KIAA1217: variants seen among roughly 807,000 people sequenced by gnomAD.
KIAA1217 encodes KIAA1217, also known as sickle tail protein homolog.
KIAA1217 carries 88 observed loss-of-function variants against 163.9 expected under a neutral mutation model. That is an observed-to-expected ratio of 0.54 (90% CI 0.45 to 0.64). The LOEUF is 0.64. Ranked by LOEUF, KIAA1217 falls within the 30% of genes least tolerant of loss-of-function variation. The pLI, the probability that KIAA1217 is intolerant of heterozygous loss-of-function variation, is 0.00. For synonymous variants in KIAA1217, 903 were observed against 923.1 expected, an observed-to-expected ratio of 0.98 and a Z score of 0.39; for missense variants, 2,372 against 2,475.0, an observed-to-expected ratio of 0.96 and a Z score of 0.88.
At chr10:23,897,329 G>C (rs79552625) in intron 1 of KIAA1217, among the ~76,000 whole-genome samples, 2,706 of 152,150 alleles carry the variant, frequency 0.018, 42 homozygotes, top group Admixed American at 0.049. Context: ...AACCCAAGTT[G>C]TCTGGCATCA....
chr10:23,763,438 G>C (rs1295102998), intron 1 of KIAA1217, among the ~76,000 whole-genome samples: 4 of 152,124 alleles, frequency 2.6e-5, no homozygotes, highest in African/African-American at 4.8e-5. Flanking sequence ...GATCAGAACA[G>C]AGACCCCAGA....
intron 1 of KIAA1217, among the ~76,000 whole-genome samples, chr10:23,932,269 C>T (rs1843285134): frequency 1.3e-5 from 2 of 152,138 alleles, no homozygotes; most frequent in Admixed American, 6.5e-5. Flanking sequence ...TCAGGACTGT[C>T]GCCTGCAGGG....
At chr10:24,147,846 AAAAAAAAAAAAAAAAAG>A (rs1426640840) in intron 2 of KIAA1217, among the ~76,000 whole-genome samples, 2 of 148,860 alleles carry the variant, frequency 1.3e-5, no homozygotes, top group Non-Finnish European at 1.5e-5. Flanking sequence ...AAAAAAAAAA[AAAAAAAAAAAAAAAAAG>A]AAAGAAAGAG....
intron 2 of KIAA1217, among the ~76,000 whole-genome samples, chr10:24,032,403 C>A (rs1848225111): frequency 6.6e-6 from 1 of 152,024 alleles, no homozygotes; most frequent in Non-Finnish European, 1.5e-5. Context: ...GGGACTACTG[C>A]TCAGGAGTAA....
intron 2 of KIAA1217, among the ~76,000 whole-genome samples, chr10:24,318,781 A>G (rs768232427): frequency 6.6e-6 from 1 of 152,238 alleles, no homozygotes; most frequent in Non-Finnish European, 1.5e-5. Flanking sequence ...CTCATGTTGC[A>G]AAAATGACAT....
Position 24,521,946 on chromosome 10 carries a change from C to A in KIAA1217, c.2456+17C>A. 1 of 1,599,376 alleles carries A rather than the reference C, an allele frequency of 6.3e-7. No homozygotes were observed. The highest frequency in any genetic ancestry group is 8.5e-7 in the Non-Finnish European group (1 of 1,172,222). On this transcript the variant is annotated intron_variant, in intron 12 of 20. Coordinates refer to ENST00000376454, the MANE Select transcript of KIAA1217 (RefSeq NM_019590.5). ...GCTGCGGAGGTGACCGGGCCCTCAT[C>A]GTGCTGGGGGTGGCCTGCGGAGGGG...
chr10:24,090,382 A>G (rs2131682464), intron 2 of KIAA1217, among the ~76,000 whole-genome samples: 1 of 105,694 alleles, frequency 9.5e-6, no homozygotes, highest in Admixed American at 1.4e-4. Flanking sequence ...GTCTTGCTAT[A>G]TTACCCAGGC....
At chr10:24,470,231 A>G (rs1305326047) in intron 5 of KIAA1217, among the ~76,000 whole-genome samples, 3 of 152,180 alleles carry the variant, frequency 2.0e-5, no homozygotes, top group Admixed American at 6.5e-5. Context: ...GTGAAGGCAG[A>G]GTGAGAGAGG....
intron 1 of KIAA1217, among the ~76,000 whole-genome samples, chr10:23,724,785 G>A (rs1247792823): frequency 2.0e-5 from 3 of 152,186 alleles, no homozygotes; most frequent in Non-Finnish European, 4.4e-5. Context: ...CATAATAGGT[G>A]TGTAATTATT....
At chr10:23,896,371 C>T (rs886741633) in intron 1 of KIAA1217, among the ~76,000 whole-genome samples, 5 of 152,028 alleles carry the variant, frequency 3.3e-5, no homozygotes, top group Admixed American at 2.0e-4. Flanking sequence ...CACACGCTGT[C>T]GAGAGTTCTT....
chr10:24,101,796 G>A (rs2062427733), intron 2 of KIAA1217, among the ~76,000 whole-genome samples: 1 of 151,906 alleles, frequency 6.6e-6, no homozygotes, highest in African/African-American at 2.4e-5. Flanking sequence ...TTCTGGTTTT[G>A]CTTTTTGCTT....
intron 3 of KIAA1217, among the ~76,000 whole-genome samples, chr10:24,392,234 A>G (rs1040631081): frequency 3.3e-5 from 4 of 122,716 alleles, no homozygotes; most frequent in African/African-American, 1.7e-4. Flanking sequence ...GGTTTATACC[A>G]GCTCATTAGA....
intron 2 of KIAA1217, among the ~76,000 whole-genome samples, chr10:24,175,296 C>T (rs567027019): frequency 2.6e-5 from 4 of 152,220 alleles, no homozygotes; most frequent in Non-Finnish European, 4.4e-5. Context: ...GCTTAGCTCC[C>T]ACTTATCAGT....
chr10:23,813,669 T>C (rs1837180074), intron 1 of KIAA1217, among the ~76,000 whole-genome samples: 1 of 152,210 alleles, frequency 6.6e-6, no homozygotes, highest in Admixed American at 6.5e-5. Context: ...GTGGTATTAT[T>C]ATTAAGGGCT....
At chr10:24,428,264 C>G (rs955044990) in intron 3 of KIAA1217, among the ~76,000 whole-genome samples, 2 of 152,178 alleles carry the variant, frequency 1.3e-5, no homozygotes, top group African/African-American at 4.8e-5. Context: ...TGTACCATAG[C>G]AATCACATGG....
intron 2 of KIAA1217, among the ~76,000 whole-genome samples, chr10:24,247,678 G>A (rs1022960770): frequency 7.9e-5 from 12 of 151,986 alleles, no homozygotes; most frequent in African/African-American, 2.7e-4. Context: ...GCGGGCGCCT[G>A]TAGTCCCAGC....
chr10:24,386,763 T>C (rs1289701558), intron 3 of KIAA1217, among the ~76,000 whole-genome samples: 4 of 151,966 alleles, frequency 2.6e-5, no homozygotes, highest in African/African-American at 9.7e-5. Flanking sequence ...TATTTTTTTT[T>C]AGAAATGGGG....
chr10:24,450,459 T>C (rs1449232333), intron 5 of KIAA1217, among the ~76,000 whole-genome samples: 2 of 152,226 alleles, frequency 1.3e-5, no homozygotes, highest in African/African-American at 4.8e-5. Flanking sequence ...TTGAGATAAC[T>C]ATTCTGTCAA....
intron 1 of KIAA1217, among the ~76,000 whole-genome samples, chr10:23,869,127 T>TG (rs1840334887): frequency 1.5e-5 from 2 of 130,236 alleles, no homozygotes; most frequent in Non-Finnish European, 3.1e-5. Context: ...AAATGTAGTT[T>TG]TTTTTTTTTT....
Sources: allele counts gnomAD v4.1 joint callset (sites outside exome capture counted in the v4.1 genomes callset), GRCh38; gene constraint gnomAD v4.1.1; transcripts MANE v1.5; gene names NCBI Gene and HGNC (gene_info 2026-07-23, HGNC 2026-07-21).